Variants in SCYL2 observed in about 807,000 individuals in gnomAD.
SCYL2 encodes the protein SCY1 like pseudokinase 2.
Under a neutral mutation model 100.4 loss-of-function variants are expected in SCYL2, and 36 were observed. The ratio of observed to expected loss-of-function variants is 0.36; its 90% CI spans 0.27 to 0.47. The LOEUF is 0.47. SCYL2 is among the 20% of genes least tolerant of loss of function. The pLI, the probability that SCYL2 is intolerant of heterozygous loss-of-function variation, is 1.00. For synonymous variants in SCYL2, 330 were observed against 359.2 expected (o/e 0.92, Z 0.92); for missense variants, 902 against 1,083.9 (o/e 0.83, Z 2.36).
intron 4 of SCYL2, among the ~76,000 whole-genome samples, chr12:100,304,828 C>CA (rs112235325): frequency 0.031 from 4,435 of 143,752 alleles, 75 homozygotes; most frequent in African/African-American, 0.05. Flanking sequence ...AAATGGAAAG[C>CA]AAAAAAAAAA....
chr12:100,300,954 C>CA (rs1332261187), intron 4 of SCYL2, among the ~76,000 whole-genome samples: 1 of 152,302 alleles, frequency 6.6e-6, no homozygotes, highest in East Asian at 1.9e-4. Context: ...CTGCAACAAA[C>CA]ATGGGAGTGC....
intron 1 of SCYL2, among the ~76,000 whole-genome samples, chr12:100,278,630 C>CTTTT (rs66782127): frequency 8.3e-6 from 1 of 120,524 alleles, no homozygotes; most frequent in East Asian, 2.3e-4. Context: ...TGGGGAAATT[C>CTTTT]TTTTTTTTTT....
chr12:100,308,047 A>G (rs2135892384), intron 4 of SCYL2, among the ~76,000 whole-genome samples: 1 of 152,314 alleles, frequency 6.6e-6, no homozygotes, highest in Admixed American at 6.5e-5. Flanking sequence ...GTGGGGGTGT[A>G]AATTAGTTCA....
At chr12:100,292,256 G>A (rs1031210894) in intron 3 of SCYL2, among the ~76,000 whole-genome samples, 1 of 152,122 alleles carries the variant, frequency 6.6e-6, no homozygotes, top group Non-Finnish European at 1.5e-5. Context: ...AAACCTTTTC[G>A]ACATTACTTA....
intron 1 of SCYL2, among the ~76,000 whole-genome samples, chr12:100,273,401 T>A (rs2096289526): frequency 6.6e-6 from 1 of 152,132 alleles, no homozygotes; most frequent in Non-Finnish European, 1.5e-5. Flanking sequence ...TGTAGGCTAG[T>A]GCTGTGGTGG....
Position 100,282,319 on chromosome 12 carries a change from CTTTTTTTTTT to C in SCYL2, c.-28-609_-28-600del, listed in dbSNP as rs1180915936. ...AAACCCCACAAAACCCACTTTTAGT[CTTTTTTTTTT>C]TTTTTTTTTTTTTTGAGATGCAGTC... On this transcript the variant is annotated intron_variant, in intron 1 of 17. Transcript: ENST00000360820. 1.1e-4 allele frequency among the ~76,000 whole-genome samples: 9 copies of C among 85,606 alleles called. 2 individuals carry two copies. The highest frequency in any genetic ancestry group is 8.9e-4 in the East Asian group (3 of 3,376). 56.2% of individuals were successfully genotyped at this position (85,606 alleles called of 152,430 possible). A position where few individuals can be genotyped will look rare whatever the true frequency, so the allele number is the denominator to read the frequency against.
intron 14 of SCYL2, among the ~76,000 whole-genome samples, chr12:100,334,556 CTAG>C (rs1952251744): frequency 6.6e-6 from 1 of 152,040 alleles, no homozygotes. Flanking sequence ...GCAGTAGCCA[CTAG>C]CATTGTAAAC....
chr12:100,315,982 A>G (rs2096348197), intron 9 of SCYL2, among the ~76,000 whole-genome samples: 1 of 152,146 alleles, frequency 6.6e-6, no homozygotes, highest in African/African-American at 2.4e-5. Context: ...CTGCAATGAA[A>G]TTTTGCATGT....
At chr12:100,306,728 G>A (rs1238174855) in intron 4 of SCYL2, among the ~76,000 whole-genome samples, 4 of 152,238 alleles carry the variant, frequency 2.6e-5, no homozygotes, top group African/African-American at 7.2e-5. Context: ...CAGATGACAT[G>A]ATGGTATATT....
At chr12:100,288,844 G>GA (rs1301190793) in intron 2 of SCYL2, among the ~76,000 whole-genome samples, 3,523 of 113,878 alleles carry the variant, frequency 0.031, 51 homozygotes, top group Middle Eastern at 0.067. Flanking sequence ...CTCAAAAAAA[G>GA]AAAAAAAAAA....
At chr12:100,286,258 A>G (rs1002830820) in intron 2 of SCYL2, among the ~76,000 whole-genome samples, 2 of 152,080 alleles carry the variant, frequency 1.3e-5, no homozygotes, top group Non-Finnish European at 2.9e-5. Flanking sequence ...ATGTGTGTGT[A>G]TGTGTGTATG....
At chr12:100,319,128 G>T (rs1490550657) in intron 10 of SCYL2, 1 of 428,814 alleles carries the variant, frequency 2.3e-6, no homozygotes, top group Non-Finnish European at 4.6e-6. Flanking sequence ...CATATTTAAG[G>T]TCACTTTTTG....
rs371786968 is a variant in SCYL2, at chr12:100,338,908, T to C, written c.2526T>C (p.Asn842=). ...CCACAGATATGTCTGCCCTTAATAA[T>C]CTCTTTGGCCCTCAGAAACCCAAAG... The part of the protein sequence containing the change: ...QRPTDMSALN[N]LFGPQKPKVS... The change falls in exon 18 of 18, where the codon AAT becomes AAC. Residue 842 remains asparagine, a synonymous_variant. Coordinates refer to ENST00000360820, the MANE Select transcript of SCYL2 (RefSeq NM_017988.6). 1.9e-6 allele frequency: 3 copies of C among 1,614,082 alleles called. No homozygotes were observed. Among genetic ancestry groups the C allele is most frequent in the Non-Finnish European group, 2.5e-6 (3 of 1,179,992 alleles).
At chr12:100,274,323 A>G (rs2096290469) in intron 1 of SCYL2, among the ~76,000 whole-genome samples, 1 of 152,186 alleles carries the variant, frequency 6.6e-6, no homozygotes, top group Non-Finnish European at 1.5e-5. Context: ...TTTTTTGTCA[A>G]GAGTTTAAAT....
At chr12:100,323,375 T>A (rs1592964058) in intron 10 of SCYL2, 150 bp from the exon 11 acceptor site, 1 of 587,324 alleles carries the variant, frequency 1.7e-6, no homozygotes, top group East Asian at 3.1e-5. Context: ...CCATTCATTT[T>A]TCAAAGAGTT....
intron 4 of SCYL2, among the ~76,000 whole-genome samples, chr12:100,299,450 C>G (rs921320177): frequency 4.6e-5 from 7 of 152,176 alleles, no homozygotes; most frequent in South Asian, 4.1e-4. Context: ...TCACCACGAT[C>G]AAGATACTGC....
At chr12:100,273,567 C>T (rs1423675773) in intron 1 of SCYL2, among the ~76,000 whole-genome samples, 1 of 152,154 alleles carries the variant, frequency 6.6e-6, no homozygotes, top group Non-Finnish European at 1.5e-5. Context: ...CTTTGCCATA[C>T]GTACATCAGT....
At chr12:100,318,260 T>C (rs1366157659) in intron 10 of SCYL2, among the ~76,000 whole-genome samples, 1 of 152,158 alleles carries the variant, frequency 6.6e-6, no homozygotes, top group Non-Finnish European at 1.5e-5. Context: ...CCTTCATCTT[T>C]CTGCTTCTTT....
At chr12:100,269,353 A>T (rs925083612) in intron 1 of SCYL2, among the ~76,000 whole-genome samples, 1 of 151,888 alleles carries the variant, frequency 6.6e-6, no homozygotes, top group African/African-American at 2.4e-5. Flanking sequence ...ATGCCTATTC[A>T]TCATTCAGCT....
Sources: gnomAD v4.1 joint callset for allele counts (sites outside exome capture counted in the v4.1 genomes callset) on GRCh38, gnomAD v4.1.1 for gene constraint, MANE v1.5 for transcripts, NCBI Gene and HGNC (gene_info 2026-07-23, HGNC 2026-07-21) for gene names.